IMMP2L: variants seen among roughly 807,000 people sequenced by gnomAD.
IMMP2L encodes mitochondrial inner membrane protease subunit 2.
In IMMP2L, 18 loss-of-function variants were observed where a neutral mutation model predicts 19.3. The ratio of observed to expected loss-of-function variants is 0.93; its 90% CI spans 0.64 to 1.38. The LOEUF (loss-of-function observed/expected upper bound fraction) is 1.38. Among genes scored for constraint, IMMP2L ranks in the 40% most tolerant of loss-of-function variants. The pLI is 0.00. For synonymous variants in IMMP2L, 76 were observed against 73.0 expected (o/e 1.04, Z -0.21); for missense variants, 233 against 218.2 (o/e 1.07, Z -0.43).
At chr7:111,320,273 T>C (rs1171850668) in intron 3 of IMMP2L, among the ~76,000 whole-genome samples, 1 of 152,064 alleles carries the variant, frequency 6.6e-6, no homozygotes, top group Non-Finnish European at 1.5e-5. Context: ...TTCACCACCA[T>C]CCATCCACCT....
intron 3 of IMMP2L, among the ~76,000 whole-genome samples, chr7:111,387,903 G>C (rs528599216): frequency 6.8e-5 from 10 of 147,566 alleles, no homozygotes; most frequent in African/African-American, 2.5e-4. Context: ...CTGAAACCAG[G>C]AGGCAGAGGT....
intron 3 of IMMP2L, among the ~76,000 whole-genome samples, chr7:111,360,587 G>A (rs1357678539): frequency 6.6e-6 from 1 of 152,096 alleles, no homozygotes; most frequent in East Asian, 1.9e-4. Context: ...GGAAGCTGAG[G>A]TAGAAGGATT....
Position 111,444,748 on chromosome 7 carries a change from T to C in IMMP2L, c.239+42490A>G, listed in dbSNP as rs138751400. 8.4e-4 allele frequency among the ~76,000 whole-genome samples: 128 copies of C among 152,026 alleles called. 1 individual carries two copies. The East Asian group carries it at 0.021, about 24-fold the overall frequency. On this transcript the variant is annotated intron_variant, in intron 3 of 5. Transcript: ENST00000405709. ...TAACCCTGATGATAATGAATATACC[T>C]AAAACAAAGAAGTAAGAGAGCAAAA...
At position 111,270,697 on chromosome 7, in the gene IMMP2L, C is replaced by T. The variant is rs1390654091; in HGVS notation, c.239+216541G>A. ...TAATCAAAGTAATTTCTACATGATG[C>T]CTATATTTCAATAATTTATGAACGG... On this transcript the variant is annotated intron_variant, in intron 3 of 5. Transcript: ENST00000405709. Among the ~76,000 whole-genome samples the T allele has an allele frequency of 5.3e-5, 8 of 152,038 alleles. 1 individual carries two copies. The highest frequency in any genetic ancestry group is 3.9e-4 in the Admixed American group (6 of 15,254).
chr7:110,754,216 T>C (rs1283768164), intron 5 of IMMP2L, among the ~76,000 whole-genome samples: 1 of 151,950 alleles, frequency 6.6e-6, no homozygotes, highest in Non-Finnish European at 1.5e-5. Context: ...TAATGAATGG[T>C]TTACCAGCTT....
chr7:111,521,909 A>G (rs1348387557), intron 1 of IMMP2L, among the ~76,000 whole-genome samples: 2 of 152,086 alleles, frequency 1.3e-5, no homozygotes, highest in East Asian at 1.9e-4. Flanking sequence ...GATCAACAGC[A>G]TGAGTAGAAA....
rs188971569 is a variant in IMMP2L, at chr7:110,882,403, A to G, written c.408+4190T>C. 3.2e-3 allele frequency among the ~76,000 whole-genome samples: 463 copies of G among 142,474 alleles called. 1 individual carries two copies. The highest frequency in any genetic ancestry group is 6.0e-3 in the Admixed American group (81 of 13,510). 93.5% of individuals were successfully genotyped at this position (142,474 alleles called of 152,430 possible). On this transcript the variant is annotated intron_variant, in intron 5 of 5. Transcript: ENST00000405709. ...TCTCTCTCTCTCTTTCTTTCTTGAC[A>G]GAGTTTCTCTGTTGTTTCCCAGGCT... is the stretch of plus-strand genomic sequence containing the variant.
At chr7:111,330,883 T>C (rs1035068268) in intron 3 of IMMP2L, among the ~76,000 whole-genome samples, 2 of 151,888 alleles carry the variant, frequency 1.3e-5, no homozygotes, top group Non-Finnish European at 2.9e-5. Flanking sequence ...TGAGATATCA[T>C]CTTACACTTA....
At chr7:111,001,999 A>G (rs1823754802) in intron 3 of IMMP2L, among the ~76,000 whole-genome samples, 1 of 152,142 alleles carries the variant, frequency 6.6e-6, no homozygotes, top group African/African-American at 2.4e-5. Flanking sequence ...AAGGAAACTG[A>G]GCAAACTAAA....
intron 3 of IMMP2L, among the ~76,000 whole-genome samples, chr7:111,237,944 A>G (rs1485862273): frequency 6.6e-6 from 1 of 152,126 alleles, no homozygotes; most frequent in African/African-American, 2.4e-5. Context: ...TAATAATAAA[A>G]GAATGCACAA....
chr7:111,408,566 T>G (rs1410312766), intron 3 of IMMP2L, among the ~76,000 whole-genome samples: 1 of 151,788 alleles, frequency 6.6e-6, no homozygotes, highest in Non-Finnish European at 1.5e-5. Context: ...GTAACTGAAA[T>G]GTACAATGGG....
At chr7:110,768,821 C>T (rs1263513094) in intron 5 of IMMP2L, among the ~76,000 whole-genome samples, 1 of 152,162 alleles carries the variant, frequency 6.6e-6, no homozygotes, top group East Asian at 1.9e-4. Context: ...GGATCATCAG[C>T]TACTTCAAAA....
At chr7:110,780,190 A>G (rs1204241157) in intron 5 of IMMP2L, among the ~76,000 whole-genome samples, 2 of 151,464 alleles carry the variant, frequency 1.3e-5, no homozygotes. Flanking sequence ...TGCTTGCACC[A>G]AAGCTTCAAA....
At chr7:110,794,204 T>C (rs991107000) in intron 5 of IMMP2L, among the ~76,000 whole-genome samples, 5 of 152,116 alleles carry the variant, frequency 3.3e-5, no homozygotes, top group African/African-American at 1.2e-4. Context: ...CACATAGATA[T>C]TTATAGCAGC....
chr7:111,364,591 C>A (rs145299924), intron 3 of IMMP2L, among the ~76,000 whole-genome samples: 6 of 149,460 alleles, frequency 4.0e-5, no homozygotes, highest in African/African-American at 7.4e-5. Flanking sequence ...GTCAAGATTG[C>A]GCCACTGCAC....
intron 3 of IMMP2L, among the ~76,000 whole-genome samples, chr7:111,040,255 A>G (rs767205533): frequency 3.3e-4 from 51 of 152,244 alleles, no homozygotes; most frequent in Non-Finnish European, 6.0e-4. Flanking sequence ...ATTTATTTGA[A>G]AAGAATTTTA....
chr7:111,082,286 A>C (rs2129576564), intron 3 of IMMP2L, among the ~76,000 whole-genome samples: 1 of 152,336 alleles, frequency 6.6e-6, no homozygotes, highest in African/African-American at 2.4e-5. Flanking sequence ...GGAATTAAGA[A>C]TAGGTCAGAA....
chr7:110,869,220 T>C (rs1400951605), intron 5 of IMMP2L, among the ~76,000 whole-genome samples: 1 of 152,088 alleles, frequency 6.6e-6, no homozygotes, highest in African/African-American at 2.4e-5. Context: ...ACACACTCTT[T>C]CATTTCTACC....
intron 3 of IMMP2L, among the ~76,000 whole-genome samples, chr7:111,203,571 T>TA (rs550342344): frequency 4.6e-5 from 6 of 131,744 alleles, no homozygotes; most frequent in Non-Finnish European, 8.5e-5. Flanking sequence ...TACTGGTTCT[T>TA]TTTTTTTTTT....
Sources: gnomAD v4.1 joint callset for allele counts (sites outside exome capture counted in the v4.1 genomes callset) on GRCh38, gnomAD v4.1.1 for gene constraint, MANE v1.5 for transcripts, NCBI Gene and HGNC (gene_info 2026-07-23, HGNC 2026-07-21) for gene names.